The following PTTG1IP2 variants were observed in gnomAD, a reference collection of about 807,000 sequenced individuals.
The protein encoded by PTTG1IP2 is PTTG1IP family member 2.
intron 1 of PTTG1IP2, among the ~76,000 whole-genome samples, chr7:90,475,573 A>G (rs534986146): frequency 1.3e-5 from 2 of 152,370 alleles, no homozygotes; most frequent in Non-Finnish European, 2.9e-5. Context: ...GCCTGTAGAA[A>G]AAAGAGACAA....
intron 5 of PTTG1IP2, among the ~76,000 whole-genome samples, chr7:90,493,318 A>G (rs12704542): frequency 0.4 from 60,810 of 151,818 alleles, 13,044 homozygotes; most frequent in Non-Finnish European, 0.5. Flanking sequence ...TCTTTTGTCA[A>G]CTCCTAGACC....
At chr7:90,478,508 A>T (rs1797777758) in intron 1 of PTTG1IP2, among the ~76,000 whole-genome samples, 1 of 152,230 alleles carries the variant, frequency 6.6e-6, no homozygotes, top group Non-Finnish European at 1.5e-5. Flanking sequence ...TCTGCATCCA[A>T]TCAAACAATT....
chr7:90,484,621 G>A (rs1797848504), intron 2 of PTTG1IP2, among the ~76,000 whole-genome samples: 1 of 152,098 alleles, frequency 6.6e-6, no homozygotes, highest in Non-Finnish European at 1.5e-5. Context: ...TACTGTTCTT[G>A]GGGGCAATGT....
chr7:90,487,829 G>A (rs1192209668), intron 3 of PTTG1IP2, among the ~76,000 whole-genome samples: 1 of 152,078 alleles, frequency 6.6e-6, no homozygotes, highest in Non-Finnish European at 1.5e-5. Context: ...CTTAAAGAAT[G>A]TTTGTATTCT....
At chr7:90,489,430 G>T (rs918060294) in intron 4 of PTTG1IP2, among the ~76,000 whole-genome samples, 2 of 151,608 alleles carry the variant, frequency 1.3e-5, no homozygotes, top group Non-Finnish European at 3.0e-5. Context: ...TAGATCTTAA[G>T]ATTACTAATA....
At chr7:90,507,074 A>G (rs1457276004) in intron 6 of PTTG1IP2, among the ~76,000 whole-genome samples, 1 of 152,228 alleles carries the variant, frequency 6.6e-6, no homozygotes, top group African/African-American at 2.4e-5. Flanking sequence ...ACTTTGATGT[A>G]AAACTTCATC....
chr7:90,490,657 C>T (rs1420093616), intron 4 of PTTG1IP2, among the ~76,000 whole-genome samples: 1 of 152,092 alleles, frequency 6.6e-6, no homozygotes, highest in Non-Finnish European at 1.5e-5. Context: ...CAATAGGGCA[C>T]ATTACATATG....
intron 6 of PTTG1IP2, among the ~76,000 whole-genome samples, chr7:90,512,734 T>C (rs1798204971): frequency 6.6e-6 from 1 of 152,182 alleles, no homozygotes; most frequent in Non-Finnish European, 1.5e-5. Context: ...CAAGAAGTAG[T>C]CTGTTGAAAT....
At chr7:90,481,111 G>C (rs943595907) in intron 2 of PTTG1IP2, among the ~76,000 whole-genome samples, 1 of 152,098 alleles carries the variant, frequency 6.6e-6, no homozygotes, top group Non-Finnish European at 1.5e-5. Context: ...GATGATATTA[G>C]CAATGATCCT....
At chr7:90,506,205 G>T (rs888141312) in intron 6 of PTTG1IP2, among the ~76,000 whole-genome samples, 1 of 151,654 alleles carries the variant, frequency 6.6e-6, no homozygotes, top group Non-Finnish European at 1.5e-5. Flanking sequence ...GAAGATTTTG[G>T]TTCTATTAAA....
At chr7:90,476,476 A>G (rs948078472) in intron 1 of PTTG1IP2, among the ~76,000 whole-genome samples, 2 of 152,140 alleles carry the variant, frequency 1.3e-5, no homozygotes, top group African/African-American at 4.8e-5. Context: ...TGATAGAAAG[A>G]TGCATATAAA....
Position 90,497,713 on chromosome 7 carries a change from T to TAAAAAAAAAAAAAAAAAAAA in PTTG1IP2, c.*50+3284_*50+3285insAAAAAAAAAAAAAAAAAAAA, listed in dbSNP as rs1491565834. ...GCCTGAGCGACAGAGAAAGACCCTG[T>TAAAAAAAAAAAAAAAAAAAA]ATAAAAAAAAAAAAAAAAAAAAAAA... On this transcript the variant is annotated intron_variant, in intron 6 of 6. Transcript: ENST00000509356. Among the ~76,000 whole-genome samples, 30 of 49,598 alleles carry TAAAAAAAAAAAAAAAAAAAA rather than the reference T, an allele frequency of 6.0e-4. 9 individuals are homozygous for TAAAAAAAAAAAAAAAAAAAA. Among genetic ancestry groups the TAAAAAAAAAAAAAAAAAAAA allele is most frequent in the African/African-American group, 2.0e-3 (20 of 9,826 alleles). The allele number at this position is 49,598 out of a possible 152,430, so 32.5% of individuals were successfully genotyped here.
At chr7:90,499,107 G>A (rs982754874) in intron 6 of PTTG1IP2, among the ~76,000 whole-genome samples, 10 of 152,084 alleles carry the variant, frequency 6.6e-5, no homozygotes, top group African/African-American at 9.7e-5. Flanking sequence ...CCACCTCAGC[G>A]TCCCAAAGTG....
intron 6 of PTTG1IP2, among the ~76,000 whole-genome samples, chr7:90,511,600 C>A (rs1179333718): frequency 6.6e-6 from 1 of 151,952 alleles, no homozygotes; most frequent in Non-Finnish European, 1.5e-5. Flanking sequence ...TTTTTCAAAC[C>A]TTATTTCCAC....
rs1248498141 is a variant in PTTG1IP2, at chr7:90,513,343, G to A, written c.*116G>A. 3.3e-5 allele frequency: 5 copies of A among 152,492 alleles called. No homozygotes were observed. The highest frequency in any genetic ancestry group is 5.9e-5 in the Non-Finnish European group (4 of 68,000). 9.4% of individuals were successfully genotyped at this position (152,492 alleles called of 1,614,324 possible). On this transcript the variant is annotated 3_prime_UTR_variant, in exon 7 of 7. Coordinates refer to ENST00000509356, the MANE Select transcript of PTTG1IP2 (RefSeq NM_001365443.2). Reference sequence around the variant, plus strand: ...GAATGATTGAACTTCCAAATTCCCTGAAGTTAAAATTTTAAATTCTATTAA... The same window carrying A: ...GAATGATTGAACTTCCAAATTCCCTAAAGTTAAAATTTTAAATTCTATTAA...
intron 6 of PTTG1IP2, among the ~76,000 whole-genome samples, chr7:90,508,492 G>A (rs112353746): frequency 8.3e-4 from 127 of 152,148 alleles, no homozygotes; most frequent in African/African-American, 2.8e-3. Context: ...GACATTTTCG[G>A]GGGAGGAATC....
chr7:90,480,066 C>T (rs1463436948), intron 2 of PTTG1IP2, among the ~76,000 whole-genome samples: 2 of 152,170 alleles, frequency 1.3e-5, no homozygotes, highest in Non-Finnish European at 2.9e-5. Flanking sequence ...ATGCTTTCCA[C>T]AGCCAGCGAT....
At chr7:90,493,845 G>A (rs1797965135) in intron 5 of PTTG1IP2, among the ~76,000 whole-genome samples, 1 of 152,226 alleles carries the variant, frequency 6.6e-6, no homozygotes, top group African/African-American at 2.4e-5. Flanking sequence ...CACATTGGAA[G>A]ATGATTGGTA....
chr7:90,501,660 C>A (rs574955689), intron 6 of PTTG1IP2, among the ~76,000 whole-genome samples: 3 of 152,268 alleles, frequency 2.0e-5, no homozygotes, highest in African/African-American at 7.2e-5. Flanking sequence ...CAGAGTGAGA[C>A]CTTGTCTCAA....
Sources: allele counts gnomAD v4.1 joint callset (sites outside exome capture counted in the v4.1 genomes callset), GRCh38; gene constraint gnomAD v4.1.1; transcripts MANE v1.5; gene names NCBI Gene and HGNC (gene_info 2026-07-23, HGNC 2026-07-21).